Variants in TET1 observed in about 807,000 individuals in gnomAD.
TET1 encodes methylcytosine dioxygenase TET1.
Under a neutral mutation model 148.7 loss-of-function variants are expected in TET1, and 13 were observed. The ratio of observed to expected loss-of-function variants is 0.09; its 90% confidence interval spans 0.06 to 0.14. The LOEUF (loss-of-function observed/expected upper bound fraction) is 0.14, where lower values mean the gene tolerates loss of function less well. TET1 is among the 10% of genes least tolerant of loss of function. TET1 has a pLI of 1.00. For missense variants in TET1, 2,182 were observed against 2,553.8 expected, an observed-to-expected ratio of 0.85 and a Z score of 3.14; for synonymous variants, 907 against 937.2, an observed-to-expected ratio of 0.97 and a Z score of 0.59.
rs1161614522 is a variant in TET1 at position 68,693,442 on chromosome 10, C to T, written c.*1628C>T. 2.1e-5 allele frequency: 5 copies of T among 233,158 alleles called. No homozygotes were observed. The highest frequency in any genetic ancestry group is 6.6e-5 in the African/African-American group (3 of 45,284). The allele number at this position is 233,158 out of a possible 1,614,324, so 14.4% of individuals were successfully genotyped here. A position where few individuals can be genotyped will look rare whatever the true frequency, so the allele number is the denominator to read the frequency against. ...AAAGCAAACAGTTCCAGCAGGCTCT[C>T]TAAAGAAAAACTCATTGTAACTTAT... On this transcript the variant is annotated 3_prime_UTR_variant, in exon 12 of 12. Transcript: ENST00000373644.
chr10:68,690,501 G>A (rs1283316183), intron 11 of TET1, among the ~76,000 whole-genome samples: 2 of 152,094 alleles, frequency 1.3e-5, no homozygotes, highest in Non-Finnish European at 2.9e-5. Flanking sequence ...CCAGCTACTC[G>A]GGAGGTTGAG....
At chr10:68,674,536 T>C (rs777368928) in intron 8 of TET1, 33 of 532,432 alleles carry the variant, frequency 6.2e-5, no homozygotes, top group African/African-American at 5.5e-4. Context: ...CTTGCTGATA[T>C]GCAGAATGAT....
At chr10:68,615,564 A>G (rs1279012205) in intron 3 of TET1, among the ~76,000 whole-genome samples, 1 of 149,988 alleles carries the variant, frequency 6.7e-6, no homozygotes, top group East Asian at 2.0e-4. Flanking sequence ...CAGGCTGGTC[A>G]CGAACTCCTG....
intron 1 of TET1, among the ~76,000 whole-genome samples, chr10:68,561,188 G>T (rs376980493): frequency 6.6e-6 from 1 of 152,294 alleles, no homozygotes; most frequent in East Asian, 1.9e-4. Flanking sequence ...TAGAGTCTGT[G>T]CAAGTTGTGA....
chr10:68,660,954 G>A (rs1370245933), intron 6 of TET1, among the ~76,000 whole-genome samples: 17 of 151,958 alleles, frequency 1.1e-4, no homozygotes, highest in Non-Finnish European at 1.0e-4. Context: ...GTGTGCCACC[G>A]CGCTAGCCGT....
At chr10:68,621,040 A>G (rs185777078) in intron 3 of TET1, among the ~76,000 whole-genome samples, 9 of 152,298 alleles carry the variant, frequency 5.9e-5, no homozygotes, top group African/African-American at 2.2e-4. Flanking sequence ...CAAGTCCTTT[A>G]TCAAATGTAT....
At chr10:68,678,036 C>T (rs956399453) in intron 8 of TET1, among the ~76,000 whole-genome samples, 9 of 152,226 alleles carry the variant, frequency 5.9e-5, no homozygotes, top group African/African-American at 1.2e-4. Context: ...CCTGGGATTA[C>T]AGGCGTGAGC....
chr10:68,607,040 C>T (rs2054134203), intron 3 of TET1, among the ~76,000 whole-genome samples: 1 of 152,010 alleles, frequency 6.6e-6, no homozygotes, highest in African/African-American at 2.4e-5. Context: ...ATCACTGCAG[C>T]ATGTATATTT....
chr10:68,572,224 C>A lies in TET1; in HGVS notation c.-115C>A. 1.2e-6 allele frequency: 1 copy of A among 865,632 alleles called. No individual in the cohort carries two copies. The highest frequency in any genetic ancestry group is 1.8e-6 in the Non-Finnish European group (1 of 567,916). The allele number at this position is 865,632 out of a possible 1,614,324, so 53.6% of individuals were successfully genotyped here. On this transcript the variant is annotated 5_prime_UTR_variant, in exon 2 of 12. Transcript: ENST00000373644. ...ATTCTGTTGTTATTTCAGACCAAAA[C>A]CTTGTGTGACTGAGCTGAAGAGCAG...
In TET1 at chr10:68,692,509, G is replaced by T. The variant is rs990729828; in HGVS notation, c.*695G>T. 8.6e-6 allele frequency: 2 copies of T among 231,846 alleles called. No homozygotes were observed. Among genetic ancestry groups the T allele is most frequent in the Non-Finnish European group, 1.7e-5 (2 of 117,050 alleles). 14.4% of individuals were successfully genotyped at this position (231,846 alleles called of 1,614,324 possible). On this transcript the variant is annotated 3_prime_UTR_variant, in exon 12 of 12. Coordinates refer to ENST00000373644, the MANE Select transcript of TET1 (RefSeq NM_030625.3). ...TATTGTCTATTGTTTGTGCATATTTGCATACAAGAGAAATCATTTATCCTT... is the reference window on the plus strand; with the variant it reads ...TATTGTCTATTGTTTGTGCATATTTTCATACAAGAGAAATCATTTATCCTT...
chr10:68,667,033 CT>C lies in TET1; in HGVS notation c.4462-11del. 1 of 1,611,162 alleles carries C rather than the reference CT, an allele frequency of 6.2e-7. No individual in the cohort carries two copies. Among genetic ancestry groups the C allele is most frequent in the Non-Finnish European group, 8.5e-7 (1 of 1,178,300 alleles). On this transcript the variant is annotated splice_polypyrimidine_tract_variant and intron_variant, in intron 6 of 11. Coordinates refer to ENST00000373644, the MANE Select transcript of TET1 (RefSeq NM_030625.3). Reference sequence around the variant, plus strand: ...CTTGTCTTCCATAGATGAATGTATTCTGTTTTTTCAGGTTTTAAGAAGAAGC... The same window carrying C: ...CTTGTCTTCCATAGATGAATGTATTCGTTTTTTCAGGTTTTAAGAAGAAGC...
rs56149036 is a variant in TET1 at position 68,688,430 on chromosome 10, CTTTT to C, written c.5404+1742_5404+1745del. Among the ~76,000 whole-genome samples the C allele has an allele frequency of 4.4e-5, 4 of 90,096 alleles. No individual in the cohort carries two copies. In the Admixed American group the frequency reaches 5.2e-4, roughly 12 times the overall value. The allele number at this position is 90,096 out of a possible 152,430, so 59.1% of individuals were successfully genotyped here. A position where few individuals can be genotyped will look rare whatever the true frequency, so the allele number is the denominator to read the frequency against. On this transcript the variant is annotated intron_variant, in intron 11 of 11. Transcript: ENST00000373644. ...CACAACCTCAATTGTCTTTTGATAG[CTTTT>C]TTTTTTTTTTTTTTTTTTGAGACAG...
At chr10:68,589,466 T>C (rs1031024086) in intron 2 of TET1, among the ~76,000 whole-genome samples, 1 of 151,856 alleles carries the variant, frequency 6.6e-6, no homozygotes, top group Non-Finnish European at 1.5e-5. Context: ...ATATATATAC[T>C]TTAAAAAGAA....
In TET1 at chr10:68,690,916, C is replaced by T. The variant is rs2055581888; in HGVS notation, c.5513C>T (p.Pro1838Leu). The change falls in exon 12 of 12, where the codon CCT becomes CTT. Residue 1838 changes from proline (P) to leucine (L), a missense_variant. Physicochemically the swap from Pro to Leu is moderately conservative, Grantham distance 98. Transcript: ENST00000373644. ...ACTTATTCGCTGATGCCATCCGCTC[C>T]TCACCCAGTGAAAGAGGCATCTCCA... ...TKTYSLMPSA[P>L]HPVKEASPGF... 3.7e-6 allele frequency: 6 copies of T among 1,614,214 alleles called. No homozygotes were observed. The highest frequency in any genetic ancestry group is 5.1e-6 in the Non-Finnish European group (6 of 1,180,042).
chr10:68,582,225 G>T (rs2053806542), intron 2 of TET1, among the ~76,000 whole-genome samples: 1 of 151,744 alleles, frequency 6.6e-6, no homozygotes, highest in Non-Finnish European at 1.5e-5. Flanking sequence ...TCAGCCTCCC[G>T]AGTAGCTGGG....
intron 8 of TET1, among the ~76,000 whole-genome samples, chr10:68,678,122 T>G (rs1016191372): frequency 6.6e-6 from 1 of 152,120 alleles, no homozygotes; most frequent in Non-Finnish European, 1.5e-5. Flanking sequence ...ATGAGATCCC[T>G]CTAGATGCTG....
chr10:68,598,425 A>C (rs546683488), intron 2 of TET1, among the ~76,000 whole-genome samples: 156 of 152,308 alleles, frequency 1.0e-3, no homozygotes, highest in African/African-American at 3.4e-3. Flanking sequence ...TGTTACATAT[A>C]TTTCATCACA....
intron 6 of TET1, among the ~76,000 whole-genome samples, chr10:68,660,680 GACAGAGTTTC>G (rs1192392234): frequency 1.1e-4 from 16 of 148,200 alleles, no homozygotes; most frequent in African/African-American, 4.0e-4. Context: ...ACTTTTTTGA[GACAGAGTTTC>G]ACTCTTGTCG....
chr10:68,626,054 A>G (rs1259043248), intron 3 of TET1, among the ~76,000 whole-genome samples: 2 of 147,488 alleles, frequency 1.4e-5, no homozygotes, highest in East Asian at 2.0e-4. Context: ...ACTGCACTCC[A>G]GCCTGGGCAA....
Sources: allele counts gnomAD v4.1 joint callset (sites outside exome capture counted in the v4.1 genomes callset), GRCh38; gene constraint gnomAD v4.1.1; transcripts MANE v1.5; gene names NCBI Gene and HGNC (gene_info 2026-07-23, HGNC 2026-07-21).